FNDC3A: variants seen among roughly 807,000 people sequenced by gnomAD.
The protein encoded by FNDC3A is fibronectin type-III domain-containing protein 3A.
Under a neutral mutation model 148.9 loss-of-function variants are expected in FNDC3A, and 32 were observed. The ratio of observed to expected loss-of-function variants is 0.21; its 90% CI spans 0.16 to 0.29. The LOEUF (loss-of-function observed/expected upper bound fraction) is 0.29. Among genes scored for constraint, FNDC3A ranks in the 10% least tolerant of loss-of-function variants. FNDC3A has a pLI of 1.00. For missense variants in FNDC3A, 1,191 were observed against 1,452.8 expected, an observed-to-expected ratio of 0.82 and a Z score of 2.93; for synonymous variants, 472 against 473.6, an observed-to-expected ratio of 1.00 and a Z score of 0.04.
intron 3 of FNDC3A, 95 bp downstream of exon 3, chr13:49,075,459 T>C: frequency 1.5e-6 from 1 of 672,556 alleles, no homozygotes; most frequent in South Asian, 2.0e-5. Context: ...TTCTTCCTTC[T>C]TTCTCACTAC....
At chr13:49,135,004 C>T (rs560033925) in intron 5 of FNDC3A, among the ~76,000 whole-genome samples, 54 of 151,214 alleles carry the variant, frequency 3.6e-4, no homozygotes, top group South Asian at 1.0e-3. Flanking sequence ...TACAGGTGCG[C>T]GCCACCACGC....
chr13:49,070,761 CA>C (rs1463026557), intron 2 of FNDC3A, among the ~76,000 whole-genome samples: 2 of 152,096 alleles, frequency 1.3e-5, no homozygotes, highest in East Asian at 3.8e-4. Flanking sequence ...CCTTTAGTTC[CA>C]CTTTTTCAGC....
intron 1 of FNDC3A, among the ~76,000 whole-genome samples, chr13:48,990,284 C>T (rs898774225): frequency 5.3e-5 from 8 of 151,688 alleles, no homozygotes; most frequent in Non-Finnish European, 7.4e-5. Context: ...CATTTATGAA[C>T]TAAAAGACAT....
intron 24 of FNDC3A, among the ~76,000 whole-genome samples, chr13:49,202,182 T>A (rs1886449930): frequency 6.6e-6 from 1 of 152,186 alleles, no homozygotes; most frequent in Non-Finnish European, 1.5e-5. Flanking sequence ...TACTGGCTTT[T>A]GTCACTGATG....
At chr13:49,073,178 AAAT>A (rs1877818713) in intron 2 of FNDC3A, among the ~76,000 whole-genome samples, 1 of 152,206 alleles carries the variant, frequency 6.6e-6, no homozygotes, top group Non-Finnish European at 1.5e-5. Flanking sequence ...GGCTACAGGA[AAAT>A]AAAGAATTTA....
intron 2 of FNDC3A, among the ~76,000 whole-genome samples, chr13:49,069,415 G>A (rs1007146680): frequency 1.3e-5 from 2 of 151,930 alleles, no homozygotes; most frequent in South Asian, 2.1e-4. Flanking sequence ...CACCCTTCCC[G>A]TGTTCCCCCA....
At chr13:49,115,137 G>A (rs1489929771) in intron 4 of FNDC3A, among the ~76,000 whole-genome samples, 1 of 148,098 alleles carries the variant, frequency 6.8e-6, no homozygotes, top group African/African-American at 2.5e-5. Flanking sequence ...ATAATTGCAT[G>A]GCATATTGTG....
At chr13:49,114,865 T>C (rs1880830956) in intron 4 of FNDC3A, 134 bp downstream of exon 4, 1 of 686,022 alleles carries the variant, frequency 1.5e-6, no homozygotes, top group African/African-American at 1.8e-5. Flanking sequence ...ATCATAAATC[T>C]ATTTCAAGTA....
chr13:49,135,285 A>G (rs1882290122), intron 5 of FNDC3A, among the ~76,000 whole-genome samples: 1 of 152,168 alleles, frequency 6.6e-6, no homozygotes, highest in African/African-American at 2.4e-5. Flanking sequence ...TCCTTATCAG[A>G]TATATGATTT....
At chr13:49,100,238 C>G (rs969765697) in intron 3 of FNDC3A, among the ~76,000 whole-genome samples, 19 of 151,976 alleles carry the variant, frequency 1.3e-4, no homozygotes, top group African/African-American at 4.6e-4. Flanking sequence ...CTTTATCTCC[C>G]TCAGTGTAAT....
chr13:49,045,082 C>T (rs374374043), intron 2 of FNDC3A: 1 of 118,366 alleles, frequency 8.4e-6, no homozygotes, highest in Non-Finnish European at 1.9e-5. Flanking sequence ...CTTTCCCTTT[C>T]CTTTCCCTTT....
chr13:49,070,329 A>G (rs1240602065), intron 2 of FNDC3A, among the ~76,000 whole-genome samples: 1 of 152,122 alleles, frequency 6.6e-6, no homozygotes, highest in East Asian at 1.9e-4. Context: ...TAGTAGCCTC[A>G]TTAAAAAAAT....
At chr13:49,098,349 T>C (rs1879660304) in intron 3 of FNDC3A, among the ~76,000 whole-genome samples, 1 of 152,020 alleles carries the variant, frequency 6.6e-6, no homozygotes. Context: ...ATCACTGCCG[T>C]GTGATGTCAA....
At chr13:49,088,969 A>AG (rs1335937659) in intron 3 of FNDC3A, among the ~76,000 whole-genome samples, 1 of 152,244 alleles carries the variant, frequency 6.6e-6, no homozygotes, top group Non-Finnish European at 1.5e-5. Flanking sequence ...CACTTACGTG[A>AG]GGTATCCAAA....
At position 49,161,042 on chromosome 13, in the gene FNDC3A, A is replaced by G. The variant is rs531785975; in HGVS notation, c.978-6202A>G. On this transcript the variant is annotated intron_variant, in intron 8 of 25. Transcript: ENST00000492622. ...GCTGAGGAGTGCTTTACTTCCAACTATGTGGTCAGTTTTGGAATAAGTCTG... is the reference window on the plus strand; with the variant it reads ...GCTGAGGAGTGCTTTACTTCCAACTGTGTGGTCAGTTTTGGAATAAGTCTG... Among the ~76,000 whole-genome samples, 5 of 152,236 alleles carry G rather than the reference A, an allele frequency of 3.3e-5. No homozygotes were observed. The East Asian group carries it at 7.7e-4, about 24-fold the overall frequency.
In FNDC3A at chr13:49,198,234, A is replaced by G. The variant is rs377074144; in HGVS notation, c.2743A>G (p.Ile915Val). ...LTVGKVTSYI[I>V]NNLQPDTTYR... is the part of the protein sequence containing the mutation. ...AGTGGGAAAGGTTACAAGCTATATT[A>G]TCAACAATTTGCAACCAGATACAAC... Residue 915 changes from isoleucine to valine, a missense_variant, in exon 22 of 26, where the codon ATC becomes GTC. Around this residue, in one of 3 missense-constraint regions of FNDC3A, gnomAD observed 751 missense variants for 944.0 expected, o/e 0.80. Transcript: ENST00000492622. 3 of 1,613,948 alleles carry G rather than the reference A, an allele frequency of 1.9e-6. No homozygotes were observed. Among genetic ancestry groups the G allele is most frequent in the African/African-American group, 2.7e-5 (2 of 74,936 alleles).
At chr13:49,153,658 C>T (rs1593668961) in intron 8 of FNDC3A, among the ~76,000 whole-genome samples, 1 of 150,362 alleles carries the variant, frequency 6.7e-6, no homozygotes, top group South Asian at 2.1e-4. Flanking sequence ...TTAGGTCTAA[C>T]ATTTAAGTCT....
intron 14 of FNDC3A, among the ~76,000 whole-genome samples, chr13:49,180,121 A>G (rs1463847175): frequency 6.6e-6 from 1 of 152,166 alleles, no homozygotes; most frequent in Non-Finnish European, 1.5e-5. Flanking sequence ...AGATACCTTC[A>G]ATTCTAATCC....
chr13:49,095,694 G>A (rs1172341003), intron 3 of FNDC3A, among the ~76,000 whole-genome samples: 1 of 152,046 alleles, frequency 6.6e-6, no homozygotes, highest in Non-Finnish European at 1.5e-5. Flanking sequence ...ATTTACCTTA[G>A]TTTAGCCTTG....
Sources: allele counts gnomAD v4.1 joint callset (sites outside exome capture counted in the v4.1 genomes callset), GRCh38; gene constraint gnomAD v4.1.1; regional missense constraint gnomAD v4.1.1; transcripts MANE v1.5; gene names NCBI Gene and HGNC (gene_info 2026-07-23, HGNC 2026-07-21).